ATP9A: variants seen among roughly 807,000 people sequenced by gnomAD.
ATP9A encodes ATPase phospholipid transporting 9A.
Under a neutral mutation model 144.1 loss-of-function variants are expected in ATP9A, and 52 were observed. That is an observed-to-expected ratio of 0.36 (90% CI 0.29 to 0.45). ATP9A has a LOEUF of 0.45. Ranked by LOEUF, ATP9A falls within the 20% of genes least tolerant of loss-of-function variation. The probability of loss-of-function intolerance (pLI) is 1.00; values close to 1 mark genes in which losing one functional copy is unlikely to be tolerated. For missense variants in ATP9A, 947 were observed against 1,392.7 expected (o/e 0.68, Z 5.09); for synonymous variants, 582 against 557.4 (o/e 1.04, Z -0.62).
At chr20:51,704,986 T>C (rs1347265942) in intron 4 of ATP9A, among the ~76,000 whole-genome samples, 1 of 152,172 alleles carries the variant, frequency 6.6e-6, no homozygotes, top group Non-Finnish European at 1.5e-5. Context: ...GCAGTTTTGC[T>C]GCAGTAACAT....
intron 4 of ATP9A, among the ~76,000 whole-genome samples, chr20:51,701,740 T>C (rs988638445): frequency 1.3e-5 from 2 of 152,218 alleles, no homozygotes; most frequent in African/African-American, 4.8e-5. Context: ...TTGCAGTGTT[T>C]TGAGGGGATG....
intron 7 of ATP9A, among the ~76,000 whole-genome samples, chr20:51,691,303 C>T (rs1432076262): frequency 6.6e-6 from 1 of 152,106 alleles, no homozygotes; most frequent in Non-Finnish European, 1.5e-5. Context: ...CCTGTCTCTA[C>T]TAAAAATACA....
At position 51,601,098 on chromosome 20, in the gene ATP9A, C is replaced by T. The variant is rs866335815; in HGVS notation, c.*113G>A. 7.6e-7 allele frequency: 1 copy of T among 1,317,192 alleles called. No homozygotes were observed. Among genetic ancestry groups the T allele is most frequent in the African/African-American group, 1.5e-5 (1 of 67,444 alleles). The allele number at this position is 1,317,192 out of a possible 1,614,324, so 81.6% of individuals were successfully genotyped here. ...GCAGAGCCACTTCCCATTAAAACTG[C>T]ATGTGTTAGCAATTACTGCAAAATC... On this transcript the variant is annotated 3_prime_UTR_variant, in exon 28 of 28. Transcript: ENST00000338821.
At chr20:51,621,506 G>GCA (rs1386065385) in intron 19 of ATP9A, among the ~76,000 whole-genome samples, 2 of 152,108 alleles carry the variant, frequency 1.3e-5, no homozygotes, top group African/African-American at 4.8e-5. Flanking sequence ...ATAAAGCCTA[G>GCA]CACAGTCCTC....
intron 1 of ATP9A, among the ~76,000 whole-genome samples, chr20:51,730,442 T>C (rs1265539019): frequency 6.6e-6 from 1 of 152,222 alleles, no homozygotes. Flanking sequence ...CACTCCAGCC[T>C]GGCGAAAGAC....
At chr20:51,657,813 G>T (rs909944515) in intron 13 of ATP9A, among the ~76,000 whole-genome samples, 23 of 152,204 alleles carry the variant, frequency 1.5e-4, no homozygotes, top group Non-Finnish European at 4.4e-5. Context: ...AACCTTGGCC[G>T]GATGGGACTC....
chr20:51,761,855 G>A (rs373014486), intron 1 of ATP9A, among the ~76,000 whole-genome samples: 1 of 152,094 alleles, frequency 6.6e-6, no homozygotes, highest in East Asian at 1.9e-4. Context: ...GGCCTCATGG[G>A]ACTAAAATCA....
Position 51,660,266 on chromosome 20 carries a change from G to A in ATP9A, c.1294-3116C>T, listed in dbSNP as rs558430901. ...GATTTAAATGAAAAGCTGTACTGAG[G>A]GCATCCTTCATGAACTTCTGGATTT... On this transcript the variant is annotated intron_variant, in intron 13 of 27. Transcript: ENST00000338821. 3.7e-4 allele frequency among the ~76,000 whole-genome samples: 56 copies of A among 152,214 alleles called. 1 individual carries two copies. The highest frequency in any genetic ancestry group is 1.3e-3 in the African/African-American group (55 of 41,532).
chr20:51,724,198 G>A (rs184854099), intron 3 of ATP9A, among the ~76,000 whole-genome samples: 147 of 152,150 alleles, frequency 9.7e-4, no homozygotes, highest in African/African-American at 3.5e-3. Context: ...AAATAAAAAC[G>A]TTAATGAGAT....
intron 3 of ATP9A, among the ~76,000 whole-genome samples, chr20:51,722,417 G>A (rs1321583524): frequency 6.6e-6 from 1 of 152,146 alleles, no homozygotes; most frequent in Non-Finnish European, 1.5e-5. Context: ...CCCACAGAGT[G>A]GGAGAAAATC....
intron 27 of ATP9A, 82 bp from the exon 28 acceptor site, chr20:51,601,429 T>TATC: frequency 7.3e-7 from 1 of 1,378,360 alleles, no homozygotes; most frequent in Non-Finnish European, 9.7e-7. Flanking sequence ...GCGTCACAAC[T>TATC]ATCAAAGGGA....
At chr20:51,697,245 G>A (rs2077574246) in intron 5 of ATP9A, among the ~76,000 whole-genome samples, 179 bp downstream of exon 5, 1 of 132,926 alleles carries the variant, frequency 7.5e-6, no homozygotes, top group Non-Finnish European at 1.7e-5. Flanking sequence ...TTGTGTGTGT[G>A]TGTGTCTGTG....
chr20:51,630,960 T>C (rs547649641), intron 15 of ATP9A, among the ~76,000 whole-genome samples: 11 of 152,250 alleles, frequency 7.2e-5, no homozygotes, highest in East Asian at 3.9e-4. Context: ...AGTAACAGTA[T>C]GGACATCCAC....
intron 4 of ATP9A, among the ~76,000 whole-genome samples, chr20:51,697,685 G>A (rs78146418): frequency 0.028 from 4,225 of 152,220 alleles, 83 homozygotes; most frequent in Admixed American, 0.06. Flanking sequence ...AGAAATAAAT[G>A]CCCACTTCAC....
chr20:51,676,223 A>AC lies in ATP9A; in HGVS notation c.800-16_800-15insG. On this transcript the variant is annotated splice_polypyrimidine_tract_variant and intron_variant, in intron 9 of 27. Transcript: ENST00000338821. The stretch of plus-strand genomic sequence containing the variant: ...CACAACAGTACCTAAAATGGAAAAA[A>AC]GAAAAAAAAAAAAAGAAAAGAAATA... 6 of 1,549,246 alleles carry AC rather than the reference A, an allele frequency of 3.9e-6. No individual in the cohort carries two copies. The highest frequency in any genetic ancestry group is 4.4e-6 in the Non-Finnish European group (5 of 1,146,502).
chr20:51,615,782 C>A (rs1243592820), intron 22 of ATP9A, among the ~76,000 whole-genome samples: 2 of 152,060 alleles, frequency 1.3e-5, no homozygotes, highest in South Asian at 4.1e-4. Context: ...ATTACAGGCA[C>A]CCACTGCCAT....
intron 14 of ATP9A, among the ~76,000 whole-genome samples, chr20:51,640,386 G>A (rs909177097): frequency 2.3e-4 from 35 of 152,134 alleles, no homozygotes; most frequent in African/African-American, 7.2e-4. Flanking sequence ...CAGAGGCCAG[G>A]GATGCTACAA....
intron 1 of ATP9A, among the ~76,000 whole-genome samples, chr20:51,743,969 T>C (rs1380481499): frequency 6.6e-6 from 1 of 150,848 alleles, no homozygotes; most frequent in Non-Finnish European, 1.5e-5. Context: ...ATTCTGGCAC[T>C]GCACTCCAGC....
chr20:51,617,665 T>C, intron 21 of ATP9A, 111 bp from the exon 22 acceptor site: 2 of 1,192,886 alleles, frequency 1.7e-6, no homozygotes, highest in South Asian at 2.6e-5. Flanking sequence ...GCTGAGTGCC[T>C]GGCCTGCCCC....
Sources: gnomAD v4.1 joint callset for allele counts (sites outside exome capture counted in the v4.1 genomes callset) on GRCh38, gnomAD v4.1.1 for gene constraint, MANE v1.5 for transcripts, NCBI Gene and HGNC (gene_info 2026-07-23, HGNC 2026-07-21) for gene names.